Variants in PLCZ1 observed in about 807,000 individuals in gnomAD.
The protein encoded by PLCZ1 is phospholipase C zeta 1, also known as 1-phosphatidylinositol 4,5-bisphosphate phosphodiesterase zeta-1.
In PLCZ1, 64 loss-of-function variants were observed where a neutral mutation model predicts 76.8. The observed-to-expected ratio is 0.83, with a 90% CI of 0.68 to 1.03. PLCZ1 has a LOEUF of 1.03. Among genes scored for constraint, PLCZ1 ranks in the 50% least tolerant of loss-of-function variants. PLCZ1 has a pLI of 0.00. For synonymous variants in PLCZ1, 248 were observed against 230.8 expected (o/e 1.07, Z -0.68); for missense variants, 751 against 713.7 (o/e 1.05, Z -0.60).
At chr12:18,652,253 C>A in the PLCZ1 span, among the ~76,000 whole-genome samples, 2 of 151,994 alleles carry the variant, frequency 1.3e-5, no homozygotes, top group East Asian at 3.9e-4. Context: ...GTCCCATATA[C>A]CAGTCACATA....
the PLCZ1 span, among the ~76,000 whole-genome samples, chr12:18,677,502 G>T: frequency 2.6e-5 from 4 of 152,056 alleles, no homozygotes; most frequent in Non-Finnish European, 2.9e-5. Flanking sequence ...AGTTCAGGAG[G>T]TCTAGGGTGA....
rs373112515 is a variant in PLCZ1, at chr12:18,719,580, T to G, written c.420A>C (p.Ser140=). The part of the protein sequence containing the change: ...SLEGFTRYMD[S]RECLLFKNEC... ...CATTTTTAAACAGTAGACATTCACG[T>G]GAATCCATGTATCTTGTAAAACCTT... Residue 140 remains serine, a synonymous_variant, in exon 5 of 15, where the codon TCA becomes TCC. Transcript: ENST00000266505. 1.4e-4 allele frequency: 223 copies of G among 1,606,980 alleles called. 1 individual carries two copies. Among genetic ancestry groups the G allele is most frequent in the Non-Finnish European group, 1.8e-4 (212 of 1,176,208 alleles).
At chr12:18,736,124 C>T in intron 3 of PLCZ1, 97 bp downstream of exon 3, 2 of 1,386,560 alleles carry the variant, frequency 1.4e-6, no homozygotes, top group Non-Finnish European at 2.0e-6. Flanking sequence ...TAATTAATTG[C>T]TTTTCTTCTT....
At position 18,716,461 on chromosome 12, in the gene PLCZ1, A is replaced by G. The variant is rs78621000; in HGVS notation, c.569+2970T>C. On this transcript the variant is annotated intron_variant, in intron 5 of 14. Coordinates refer to ENST00000266505, the MANE Select transcript of PLCZ1 (RefSeq NM_033123.4). ...AACCACTTACATGTGGAGGCACCCA[A>G]GAGAAAGTTTTACCTTCTCTAATGG... Among the ~76,000 whole-genome samples, 1,029 of 152,316 alleles carry G rather than the reference A, an allele frequency of 6.8e-3. 10 individuals are homozygous for G. Among genetic ancestry groups the G allele is most frequent in the African/African-American group, 0.023 (973 of 41,566 alleles).
chr12:18,708,626 C>T (rs1592172788), intron 6 of PLCZ1, among the ~76,000 whole-genome samples: 1 of 152,138 alleles, frequency 6.6e-6, no homozygotes, highest in East Asian at 1.9e-4. Context: ...TTTCCATCAT[C>T]AGTGTACAGG....
rs141611560 is a variant in PLCZ1, at chr12:18,696,734, T to A, written c.1175-468A>T. On this transcript the variant is annotated intron_variant, in intron 10 of 14. Transcript: ENST00000266505. Reference sequence around the variant, plus strand: ...ACGATTCCAGCTAAATTAATCCTACTGAACATTTCACAGGTTCTCAGGGTT... The same window carrying A: ...ACGATTCCAGCTAAATTAATCCTACAGAACATTTCACAGGTTCTCAGGGTT... Among the ~76,000 whole-genome samples, 8 of 152,228 alleles carry A rather than the reference T, an allele frequency of 5.3e-5. No individual in the cohort carries two copies. In the South Asian group the frequency reaches 1.2e-3, roughly 24 times the overall value.
chr12:18,731,966 GT>G, intron 3 of PLCZ1, among the ~76,000 whole-genome samples: 1 of 151,990 alleles, frequency 6.6e-6, no homozygotes, highest in Non-Finnish European at 1.5e-5. Context: ...AATAACCTAT[GT>G]TTTCAGATTA....
the PLCZ1 span, chr12:18,648,008 T>C: frequency 6.3e-7 from 1 of 1,595,598 alleles, no homozygotes; most frequent in Non-Finnish European, 8.5e-7. Flanking sequence ...ATGGTATCCA[T>C]TAGGAAACAG....
intron 12 of PLCZ1, chr12:18,693,605 C>T (rs576538656): frequency 1.2e-5 from 19 of 1,573,658 alleles, no homozygotes; most frequent in South Asian, 5.5e-5. Context: ...TGCTGAAGAA[C>T]GTGCACCGTC....
At chr12:18,648,318 G>A in the PLCZ1 span, 4 of 233,834 alleles carry the variant, frequency 1.7e-5, no homozygotes, top group African/African-American at 4.4e-5. Context: ...ATTAAACATA[G>A]GTTTACATTT....
the PLCZ1 span, among the ~76,000 whole-genome samples, chr12:18,650,704 G>GTATATATC: frequency 2.1e-4 from 12 of 57,786 alleles, no homozygotes; most frequent in South Asian, 1.9e-3. Flanking sequence ...GTGTGTGTGT[G>GTATATATC]TATATATCTA....
At chr12:18,665,897 T>C in the PLCZ1 span, among the ~76,000 whole-genome samples, 2 of 150,042 alleles carry the variant, frequency 1.3e-5, no homozygotes, top group Non-Finnish European at 3.0e-5. Context: ...ATCGCGCCAT[T>C]GTACTCCAGC....
chr12:18,708,331 G>A (rs770947554), intron 6 of PLCZ1, among the ~76,000 whole-genome samples: 7 of 152,040 alleles, frequency 4.6e-5, no homozygotes, highest in Non-Finnish European at 7.4e-5. Flanking sequence ...TCATGCTGTG[G>A]TAAATGGAAA....
At position 18,683,200 on chromosome 12, in the gene PLCZ1, G is replaced by A. The variant is rs1369670256; in HGVS notation, c.*39C>T. ...AGACATTCATTTTGGCTGTTTTATT[G>A]CGATGCATAGCTAATGATATGTCAT... On this transcript the variant is annotated 3_prime_UTR_variant, in exon 15 of 15. Coordinates refer to ENST00000266505, the MANE Select transcript of PLCZ1 (RefSeq NM_033123.4). 2.6e-6 allele frequency: 4 copies of A among 1,547,042 alleles called. No individual in the cohort carries two copies. The South Asian group carries it at 4.5e-5, about 17-fold the overall frequency.
the PLCZ1 span, among the ~76,000 whole-genome samples, chr12:18,671,864 C>T: frequency 3.9e-5 from 6 of 152,164 alleles, no homozygotes; most frequent in Admixed American, 2.6e-4. Context: ...GATCAAGGCG[C>T]CTGCAGATTC....
rs1271264385 is a variant in PLCZ1 at position 18,736,203 on chromosome 12, G to A, written c.135+18C>T. 1 of 1,610,426 alleles carries A rather than the reference G, an allele frequency of 6.2e-7. No individual in the cohort carries two copies. The highest frequency in any genetic ancestry group is 8.5e-7 in the Non-Finnish European group (1 of 1,177,476). On this transcript the variant is annotated intron_variant, in intron 3 of 14. Transcript: ENST00000266505. ...TTCCACCTAGGATAGGATAGGCAGGGGGTGGATGTCATCTTACCTTAAAAA... is the reference window on the plus strand; with the variant it reads ...TTCCACCTAGGATAGGATAGGCAGGAGGTGGATGTCATCTTACCTTAAAAA...
chr12:18,670,311 C>T, the PLCZ1 span, among the ~76,000 whole-genome samples: 3 of 151,704 alleles, frequency 2.0e-5, no homozygotes, highest in African/African-American at 4.9e-5. Flanking sequence ...CACACACACA[C>T]AACATCAGAA....
At chr12:18,681,027 C>T (rs114878059), downstream of PLCZ1, among the ~76,000 whole-genome samples, 4 of 151,972 alleles carry the variant, frequency 2.6e-5, no homozygotes, top group Non-Finnish European at 5.9e-5. Context: ...ATGTTTTTGC[C>T]GTGCATTCAG....
At chr12:18,660,370 A>C in the PLCZ1 span, among the ~76,000 whole-genome samples, 1 of 152,126 alleles carries the variant, frequency 6.6e-6, no homozygotes, top group African/African-American at 2.4e-5. Context: ...AAAGGTGGGA[A>C]GTTTTGTTGC....
Sources: gnomAD v4.1 joint callset for allele counts (sites outside exome capture counted in the v4.1 genomes callset) on GRCh38, gnomAD v4.1.1 for gene constraint, MANE v1.5 for transcripts, NCBI Gene and HGNC (gene_info 2026-07-23, HGNC 2026-07-21) for gene names.